STARD3: variants seen among roughly 807,000 people sequenced by gnomAD.
STARD3 encodes stAR-related lipid transfer protein 3.
In STARD3, 39 loss-of-function variants were observed where a neutral mutation model predicts 62.0. The observed-to-expected ratio is 0.63, with a 90% CI of 0.49 to 0.82. The LOEUF is 0.82. Among genes scored for constraint, STARD3 ranks in the 40% least tolerant of loss-of-function variants. STARD3 has a pLI of 0.00. For missense variants in STARD3, 543 were observed against 584.5 expected (o/e 0.93, Z 0.73); for synonymous variants, 229 against 242.4 (o/e 0.94, Z 0.51).
chr17:39,661,222 C>A (rs2145046203), intron 13 of STARD3, 137 bp downstream of exon 13: 1 of 716,188 alleles, frequency 1.4e-6, no homozygotes, highest in Non-Finnish European at 2.3e-6. Context: ...CTGGGCTCTG[C>A]TCCTCCTGGC....
At chr17:39,656,204 C>G (rs1269547473) in intron 2 of STARD3, among the ~76,000 whole-genome samples, 3 of 152,162 alleles carry the variant, frequency 2.0e-5, no homozygotes, top group African/African-American at 7.2e-5. Context: ...AAGCCCCAGT[C>G]TAGGCGGTTG....
Position 39,660,418 on chromosome 17 carries a change from C to T in STARD3, c.859-13C>T, listed in dbSNP as rs373666236. On this transcript the variant is annotated splice_polypyrimidine_tract_variant and intron_variant, in intron 10 of 14. Coordinates refer to ENST00000336308, the MANE Select transcript of STARD3 (RefSeq NM_006804.4). This position sits in a 1 kb window ranked among gnomAD's most constrained non-coding sequence, Gnocchi z 4.8. Reference sequence around the variant, plus strand: ...CATCTGGCACCACCCAGCCCTCTGCCGCCCTGTCCCAGACCTTCCTGCCCT... The same window carrying T: ...CATCTGGCACCACCCAGCCCTCTGCTGCCCTGTCCCAGACCTTCCTGCCCT... 1.2e-5 allele frequency: 19 copies of T among 1,613,362 alleles called. No homozygotes were observed. The highest frequency in any genetic ancestry group is 4.0e-5 in the African/African-American group (3 of 74,924).
At position 39,662,267 on chromosome 17, in the gene STARD3, G is replaced by A; in HGVS notation, c.1156G>A (p.Gly386Arg). 2 of 1,613,894 alleles carry A rather than the reference G, an allele frequency of 1.2e-6. No individual in the cohort carries two copies. Among genetic ancestry groups the A allele is most frequent in the Non-Finnish European group, 1.7e-6 (2 of 1,179,922 alleles). ...HKYVRGENGPGGFIVLKSASN... is the reference protein window; with the variant it reads ...HKYVRGENGPRGFIVLKSASN... ...TTTCCATAGGGGAGAGAATGGCCCTGGGGGCTTCATCGTGCTCAAGTCGGC... is the reference window on the plus strand; with the variant it reads ...TTTCCATAGGGGAGAGAATGGCCCTAGGGGCTTCATCGTGCTCAAGTCGGC... Residue 386 changes from glycine to arginine, a missense_variant, in exon 14 of 15, where the codon GGG becomes AGG. Transcript: ENST00000336308.
intron 1 of STARD3, among the ~76,000 whole-genome samples, chr17:39,646,785 G>T (rs1290635387): frequency 6.6e-6 from 1 of 152,196 alleles, no homozygotes; most frequent in Admixed American, 6.5e-5. Flanking sequence ...GGAAGAGAAG[G>T]CCTGGAAAGC....
At chr17:39,647,472 C>A (rs376269586) in intron 1 of STARD3, among the ~76,000 whole-genome samples, 44 of 152,262 alleles carry the variant, frequency 2.9e-4, no homozygotes, top group African/African-American at 1.0e-3. Context: ...CTGCCTCCCC[C>A]TCATCAGGAG....
At chr17:39,638,616 C>T (rs2056956898) in intron 1 of STARD3, among the ~76,000 whole-genome samples, 1 of 152,188 alleles carries the variant, frequency 6.6e-6, no homozygotes, top group South Asian at 2.1e-4. Flanking sequence ...AATTGCCCTT[C>T]TGTGTCCTGT....
Position 39,660,585 on chromosome 17 carries a change from G to A in STARD3, c.954+59G>A. ...ATGGGGGCACAGCCACGCCTCAGTG[G>A]GATCACTGAAGCACTCAGCGCCTCA... On this transcript the variant is annotated intron_variant, in intron 11 of 14. Transcript: ENST00000336308. This position sits in a 1 kb window ranked among gnomAD's most constrained non-coding sequence, Gnocchi z 4.8. The A allele has an allele frequency of 2.6e-6, 4 of 1,554,772 alleles. No homozygotes were observed. Among genetic ancestry groups the A allele is most frequent in the Non-Finnish European group, 3.5e-6 (4 of 1,127,228 alleles).
intron 1 of STARD3, among the ~76,000 whole-genome samples, chr17:39,646,262 T>G (rs916461373): frequency 6.6e-6 from 1 of 152,128 alleles, no homozygotes; most frequent in Non-Finnish European, 1.5e-5. Flanking sequence ...GTTTGTTGTT[T>G]TTTGTTTTGA....
intron 2 of STARD3, chr17:39,656,798 G>A: frequency 3.5e-6 from 2 of 569,758 alleles, no homozygotes; most frequent in Admixed American, 3.1e-5. Flanking sequence ...GGGCGGCCTG[G>A]ATCCTTAGAG....
chr17:39,660,335 C>T lies in STARD3; in HGVS notation c.858+62C>T, dbSNP rs1245715171. 15 of 1,611,832 alleles carry T rather than the reference C, an allele frequency of 9.3e-6. No homozygotes were observed. The Admixed American group carries it at 1.5e-4, about 16-fold the overall frequency. On this transcript the variant is annotated intron_variant, in intron 10 of 14. Transcript: ENST00000336308. The surrounding 1 kb of genome is among the most constrained non-coding windows in gnomAD (Gnocchi z 4.8). The stretch of plus-strand genomic sequence containing the variant: ...AGCACAGGAGGCTCCAGGAAGGTGC[C>T]GAGGGGCCCTCTGGTGGGTGCCCCC...
chr17:39,658,217 A>G (rs768215250), intron 5 of STARD3, 188 bp from the exon 6 acceptor site: 12 of 826,792 alleles, frequency 1.5e-5, no homozygotes, highest in South Asian at 8.1e-5. Context: ...TTGCAGCTCT[A>G]GGAATCAGAA....
Position 39,659,788 on chromosome 17 carries a change from C to A in STARD3, c.795+235C>A, listed in dbSNP as rs890091529. ...TGTTTACTTCCCTGCTGTTCTGCCC[C>A]CTTGGCTCCAGGCTTTGAAGGGGAA... is the stretch of plus-strand genomic sequence containing the variant. On this transcript the variant is annotated intron_variant, in intron 9 of 14. Coordinates refer to ENST00000336308, the MANE Select transcript of STARD3 (RefSeq NM_006804.4). 17 of 524,514 alleles carry A rather than the reference C, an allele frequency of 3.2e-5. 1 individual carries two copies. The highest frequency in any genetic ancestry group is 3.0e-4 in the Admixed American group (9 of 29,586). 32.5% of individuals were successfully genotyped at this position (524,514 alleles called of 1,614,324 possible).
At chr17:39,649,593 G>A (rs1027175383) in intron 1 of STARD3, among the ~76,000 whole-genome samples, 1 of 152,242 alleles carries the variant, frequency 6.6e-6, no homozygotes, top group African/African-American at 2.4e-5. Flanking sequence ...AAGGCTGAGC[G>A]TGGTAGCTCA....
rs771566450 is a variant in STARD3, at chr17:39,658,439, C to T, written c.464C>T (p.Pro155Leu). Residue 155 changes from proline to leucine, a missense_variant, in exon 6 of 15, where the codon CCC (proline) becomes CTC (leucine). Transcript: ENST00000336308. ...AAAGGGGCATTTGGCTACCTGCTCCCCATCGTCTCTTTTGTCCTCGCCTGG... is the reference window on the plus strand; with the variant it reads ...AAAGGGGCATTTGGCTACCTGCTCCTCATCGTCTCTTTTGTCCTCGCCTGG... Reference protein sequence around the residue: ...LSKGAFGYLLPIVSFVLAWLE... With the variant: ...LSKGAFGYLLLIVSFVLAWLE... 3 of 1,614,034 alleles carry T rather than the reference C, an allele frequency of 1.9e-6. No homozygotes were observed. Among genetic ancestry groups the T allele is most frequent in the African/African-American group, 2.7e-5 (2 of 74,930 alleles).
At chr17:39,649,281 C>T (rs1399742852) in intron 1 of STARD3, among the ~76,000 whole-genome samples, 2 of 152,168 alleles carry the variant, frequency 1.3e-5, no homozygotes, top group African/African-American at 4.8e-5. Flanking sequence ...CCAGCAATAC[C>T]ACTTCTAGGA....
intron 1 of STARD3, among the ~76,000 whole-genome samples, chr17:39,640,202 A>G (rs2056971004): frequency 6.6e-6 from 1 of 152,338 alleles, no homozygotes; most frequent in African/African-American, 2.4e-5. Flanking sequence ...CACATCTGGC[A>G]GCTTGTGCCT....
intron 1 of STARD3, among the ~76,000 whole-genome samples, chr17:39,647,869 G>A (rs1000673575): frequency 2.0e-5 from 3 of 152,246 alleles, no homozygotes; most frequent in Admixed American, 6.5e-5. Flanking sequence ...TTGTAGCTGG[G>A]TGTGGTGGCT....
Position 39,653,769 on chromosome 17 carries a change from G to C in STARD3, c.219+19G>C, listed in dbSNP as rs371913835. ...ACTGAATGTGAGTGGGGGCGAGGTG[G>C]GGGCACAGGCCATGTTGCAGGCCAC... On this transcript the variant is annotated intron_variant, in intron 2 of 14. Coordinates refer to ENST00000336308, the MANE Select transcript of STARD3 (RefSeq NM_006804.4). 85 of 1,613,394 alleles carry C rather than the reference G, an allele frequency of 5.3e-5. No homozygotes were observed. The highest frequency in any genetic ancestry group is 6.6e-5 in the Non-Finnish European group (78 of 1,179,888).
chr17:39,662,681 C>T lies in STARD3; in HGVS notation c.1234-123C>T, dbSNP rs1324617834. On this transcript the variant is annotated intron_variant, in intron 14 of 14. Coordinates refer to ENST00000336308, the MANE Select transcript of STARD3 (RefSeq NM_006804.4). ...CCAGGGGTGAGTGGGAGAGGGCGAC[C>T]CAGGCTGGATTCCAGAGCTGCACCT... is the stretch of plus-strand genomic sequence containing the variant. The T allele has an allele frequency of 4.2e-6, 4 of 962,806 alleles. No homozygotes were observed. The African/African-American group carries it at 4.9e-5, about 12-fold the overall frequency. The allele number at this position is 962,806 out of a possible 1,614,324, so 59.6% of individuals were successfully genotyped here. A position where few individuals can be genotyped will look rare whatever the true frequency, so the allele number is the denominator to read the frequency against.
Sources: gnomAD v4.1 joint callset for allele counts (sites outside exome capture counted in the v4.1 genomes callset) on GRCh38, gnomAD v4.1.1 for gene constraint, Gnocchi (gnomAD v3.1) non-coding constraint, MANE v1.5 for transcripts, NCBI Gene and HGNC (gene_info 2026-07-23, HGNC 2026-07-21) for gene names.